MUCL1: variants seen among roughly 807,000 people sequenced by gnomAD.
MUCL1 encodes the protein mucin-like protein 1.
A neutral mutation model predicts 9.2 loss-of-function variants in MUCL1; 11 were observed. The observed-to-expected ratio is 1.19, with a 90% CI of 0.75 to 1.97. The LOEUF (loss-of-function observed/expected upper bound fraction) is 1.97, where lower values mean the gene tolerates loss of function less well. Ranked by LOEUF, MUCL1 falls within the 30% of genes most tolerant of loss-of-function variation. MUCL1 has a pLI of 0.00. For synonymous variants in MUCL1, 48 were observed against 40.5 expected (o/e 1.19, Z -0.71); for missense variants, 144 against 110.9 (o/e 1.30, Z -1.34).
At chr12:54,849,983 C>G (rs1959312341), upstream of MUCL1, among the ~76,000 whole-genome samples, 1 of 152,168 alleles carries the variant, frequency 6.6e-6, no homozygotes, top group Non-Finnish European at 1.5e-5. Flanking sequence ...TCTGCTTTCC[C>G]AGCAACTGCA....
In MUCL1 at chr12:54,842,883, T is replaced by A. The variant is rs1959219459; in HGVS notation, c.43+3436T>A. On this transcript the variant is annotated intron_variant, in intron 1 of 3. Transcript: ENST00000546809. ...CAACAGTGCTTTGGTCAGCAACAGA[T>A]TACATACAGGATGGTGGCCCCATAA... Among the ~76,000 whole-genome samples, 3 of 152,276 alleles carry A rather than the reference T, an allele frequency of 2.0e-5. No individual in the cohort carries two copies. In the South Asian group the frequency reaches 6.2e-4, roughly 32 times the overall value.
chr12:54,845,645 A>G (rs1454564055), intron 1 of MUCL1, among the ~76,000 whole-genome samples: 12 of 152,040 alleles, frequency 7.9e-5, no homozygotes, highest in Non-Finnish European at 1.8e-4. Context: ...TGCTCAGGTT[A>G]TGTGACCTGC....
Position 54,839,534 on chromosome 12 carries a change from T to G in MUCL1, c.43+87T>G, listed in dbSNP as rs969373584. The G allele has an allele frequency of 4.3e-6, 3 of 699,706 alleles. No homozygotes were observed. In the African/African-American group the frequency reaches 5.3e-5, roughly 12 times the overall value. 43.3% of individuals were successfully genotyped at this position (699,706 alleles called of 1,614,324 possible). A position where few individuals can be genotyped will look rare whatever the true frequency, so the allele number is the denominator to read the frequency against. ...GAGGTCTCAGTGAAATGCACTGAGGTCTTTTCATTGGGGTAGGGAGGGAGC... is the reference window on the plus strand; with the variant it reads ...GAGGTCTCAGTGAAATGCACTGAGGGCTTTTCATTGGGGTAGGGAGGGAGC... On this transcript the variant is annotated intron_variant, in intron 1 of 3. Coordinates refer to the MUCL1 transcript ENST00000546809.
At chr12:54,857,635 C>T (rs1340802851) in intron 3 of MUCL1, among the ~76,000 whole-genome samples, 2 of 151,866 alleles carry the variant, frequency 1.3e-5, no homozygotes, top group African/African-American at 4.8e-5. Context: ...GGAAGAGTTG[C>T]AATGAGAAAC....
chr12:54,833,783 A>G (rs10735857), intron 1 of MUCL1, among the ~76,000 whole-genome samples: 77,199 of 145,932 alleles, frequency 0.53, 20,735 homozygotes, highest in East Asian at 0.86. Flanking sequence ...AGAACACATG[A>G]ACACAGGAAG....
At chr12:54,846,408 C>T (rs111490838) in intron 1 of MUCL1, among the ~76,000 whole-genome samples, 129 of 152,234 alleles carry the variant, frequency 8.5e-4, no homozygotes, top group African/African-American at 1.4e-3. Flanking sequence ...GCATGACCTG[C>T]GAAGGGGATC....
At chr12:54,839,940 G>T (rs2135940468) in intron 1 of MUCL1, among the ~76,000 whole-genome samples, 1 of 152,300 alleles carries the variant, frequency 6.6e-6, no homozygotes, top group South Asian at 2.1e-4. Flanking sequence ...TTTGCTTAGA[G>T]TCGCTTTTCA....
At chr12:54,841,510 C>G (rs1959211783) in intron 1 of MUCL1, among the ~76,000 whole-genome samples, 1 of 152,138 alleles carries the variant, frequency 6.6e-6, no homozygotes. Context: ...CCCTGCCGTA[C>G]TTTGTCTTTT....
chr12:54,831,661 T>C (rs1959185598), intron 1 of MUCL1, among the ~76,000 whole-genome samples: 1 of 152,102 alleles, frequency 6.6e-6, no homozygotes, highest in South Asian at 2.1e-4. Flanking sequence ...TAAGATAAAA[T>C]ACTGAAACAA....
chr12:54,842,507 A>G (rs916910789), intron 1 of MUCL1, among the ~76,000 whole-genome samples: 1 of 152,118 alleles, frequency 6.6e-6, no homozygotes, highest in African/African-American at 2.4e-5. Flanking sequence ...TTTTGTAATG[A>G]GAACCCTTAA....
chr12:54,854,674 G>T (rs1192819062), intron 1 of MUCL1, 34 bp downstream of exon 1: 14 of 1,575,762 alleles, frequency 8.9e-6, no homozygotes, highest in South Asian at 1.1e-5. Flanking sequence ...CATAAGTTTT[G>T]TGGGAATATA....
At chr12:54,834,270 A>G (rs1235806286) in intron 1 of MUCL1, among the ~76,000 whole-genome samples, 1 of 152,122 alleles carries the variant, frequency 6.6e-6, no homozygotes, top group Non-Finnish European at 1.5e-5. Context: ...TATTGAGTGA[A>G]GTTGAGTATT....
chr12:54,856,809 C>T lies in MUCL1; in HGVS notation c.140C>T (p.Thr47Ile). The change falls in exon 3 of 4, where the codon ACT (threonine) becomes ATT (isoleucine). Residue 47 changes from threonine to isoleucine, a missense_variant. Coordinates refer to ENST00000308796, the MANE Select transcript of MUCL1 (RefSeq NM_058173.3). The stretch of plus-strand genomic sequence containing the variant: ...GATGAAGCCCCTGATGCTGAAACCA[C>T]TGCTGCTGCAACCACTGCAACCACT... ...ADDEAPDAET[T>I]AAATTATTAA... 1 of 1,612,466 alleles carries T rather than the reference C, an allele frequency of 6.2e-7. No homozygotes were observed. Among genetic ancestry groups the T allele is most frequent in the Non-Finnish European group, 8.5e-7 (1 of 1,178,962 alleles).
chr12:54,844,023 T>A (rs1446168212), intron 1 of MUCL1, among the ~76,000 whole-genome samples: 1 of 152,220 alleles, frequency 6.6e-6, no homozygotes, highest in South Asian at 2.1e-4. Flanking sequence ...GGTAATTTAT[T>A]GTTTATAAAT....
chr12:54,858,103 A>T (rs1020325031), intron 3 of MUCL1, 90 bp from the exon 4 acceptor site: 1 of 1,471,950 alleles, frequency 6.8e-7, no homozygotes, highest in African/African-American at 1.4e-5. Context: ...TTGACATTTG[A>T]CACTTGTTAG....
intron 1 of MUCL1, among the ~76,000 whole-genome samples, chr12:54,832,758 A>G (rs2121476942): frequency 6.6e-6 from 1 of 152,212 alleles, no homozygotes; most frequent in East Asian, 1.9e-4. Context: ...AATAATTTAT[A>G]TTATTTGATA....
At chr12:54,844,366 A>T (rs554571001) in intron 1 of MUCL1, among the ~76,000 whole-genome samples, 1 of 152,264 alleles carries the variant, frequency 6.6e-6, no homozygotes, top group East Asian at 1.9e-4. Context: ...GCTGAGGAAC[A>T]ATGCCCTTAT....
chr12:54,835,937 G>A (rs556260040), upstream of MUCL1, among the ~76,000 whole-genome samples: 8 of 152,264 alleles, frequency 5.3e-5, no homozygotes, highest in East Asian at 1.5e-3. Context: ...AAACCCGCTT[G>A]ATCATGATGA....
rs535184528 is a variant in MUCL1 at position 54,840,917 on chromosome 12, C to A, written c.43+1470C>A. 2.0e-5 allele frequency among the ~76,000 whole-genome samples: 3 copies of A among 152,304 alleles called. No individual in the cohort carries two copies. The East Asian group carries it at 5.8e-4, about 29-fold the overall frequency. On this transcript the variant is annotated intron_variant, in intron 1 of 3. Coordinates refer to the MUCL1 transcript ENST00000546809. Reference sequence around the variant, plus strand: ...GCTTCCAGGTAGTCTGTGCTCAGAACTCAAAACTGCCCCATGCCATAAACC... The same window carrying A: ...GCTTCCAGGTAGTCTGTGCTCAGAAATCAAAACTGCCCCATGCCATAAACC...
Sources: gnomAD v4.1 joint callset for allele counts (sites outside exome capture counted in the v4.1 genomes callset) on GRCh38, gnomAD v4.1.1 for gene constraint, MANE v1.5 for transcripts, NCBI Gene and HGNC (gene_info 2026-07-23, HGNC 2026-07-21) for gene names.